Variants in LDLRAD3 observed in about 807,000 individuals in gnomAD.
LDLRAD3 encodes the protein low-density lipoprotein receptor class A domain-containing protein 3.
Under a neutral mutation model 29.4 loss-of-function variants are expected in LDLRAD3, and 20 were observed. The observed-to-expected ratio is 0.68, with a 90% CI of 0.48 to 0.99. The LOEUF is 0.99. Ranked by LOEUF, LDLRAD3 falls within the 50% of genes least tolerant of loss-of-function variation. The pLI, the probability that LDLRAD3 is intolerant of heterozygous loss-of-function variation, is 0.00. For missense variants in LDLRAD3, 420 were observed against 454.3 expected (o/e 0.92, Z 0.69); for synonymous variants, 157 against 192.7 (o/e 0.81, Z 1.53).
chr11:36,169,007 T>C (rs1467628057), intron 4 of LDLRAD3, among the ~76,000 whole-genome samples: 1 of 152,158 alleles, frequency 6.6e-6, no homozygotes. Context: ...AATGACTGTA[T>C]TCCCATTATA....
rs200263894 is a variant in LDLRAD3, at chr11:36,219,474, AATAG to A, written c.455-7606_455-7603del. Among the ~76,000 whole-genome samples the A allele has an allele frequency of 5.3e-3, 803 of 152,346 alleles. 4 individuals carry two copies. The highest frequency in any genetic ancestry group is 0.019 in the African/African-American group (773 of 41,568). On this transcript the variant is annotated intron_variant, in intron 4 of 5. Coordinates refer to ENST00000315571, the MANE Select transcript of LDLRAD3 (RefSeq NM_174902.4). Reference sequence around the variant, plus strand: ...ATAGTTGTATAGCTCAATCATACAAAATAGATAGTCTAAGAATAGACTCAGACTT... The same window carrying A: ...ATAGTTGTATAGCTCAATCATACAAAATAGTCTAAGAATAGACTCAGACTT...
chr11:36,124,520 C>G (rs1490753288), intron 4 of LDLRAD3, among the ~76,000 whole-genome samples: 1 of 152,124 alleles, frequency 6.6e-6, no homozygotes, highest in Non-Finnish European at 1.5e-5. Context: ...CCACGGCTCT[C>G]CCAACTGGGC....
intron 1 of LDLRAD3, among the ~76,000 whole-genome samples, chr11:36,020,078 T>G (rs923576986): frequency 1.8e-4 from 28 of 152,160 alleles, no homozygotes; most frequent in African/African-American, 6.5e-4. Context: ...AAAGTCCTTG[T>G]GCCCCGGAGT....
At chr11:36,169,771 CT>C (rs1387359102) in intron 4 of LDLRAD3, among the ~76,000 whole-genome samples, 1 of 152,188 alleles carries the variant, frequency 6.6e-6, no homozygotes, top group East Asian at 1.9e-4. Flanking sequence ...GTGCAGGCAT[CT>C]TTTCGGTATC....
chr11:36,006,440 G>A (rs1010757316), intron 1 of LDLRAD3, among the ~76,000 whole-genome samples: 2 of 152,198 alleles, frequency 1.3e-5, no homozygotes, highest in Non-Finnish European at 2.9e-5. Flanking sequence ...AAAGCGCTGA[G>A]CTGTGTGCCA....
At chr11:36,094,498 A>G (rs533434150) in intron 3 of LDLRAD3, among the ~76,000 whole-genome samples, 74 of 152,180 alleles carry the variant, frequency 4.9e-4, no homozygotes, top group Non-Finnish European at 8.8e-4. Context: ...AGTATAACAC[A>G]TGGTATCCAT....
chr11:36,077,937 G>A (rs934715693), intron 2 of LDLRAD3, among the ~76,000 whole-genome samples: 3 of 152,172 alleles, frequency 2.0e-5, no homozygotes, highest in Admixed American at 6.5e-5. Flanking sequence ...AATGAGGTAC[G>A]CAGACAAGTG....
At chr11:36,116,497 C>T (rs907195274) in intron 4 of LDLRAD3, among the ~76,000 whole-genome samples, 1 of 151,984 alleles carries the variant, frequency 6.6e-6, no homozygotes, top group African/African-American at 2.4e-5. Flanking sequence ...ATAACTCCCC[C>T]AATTGTGTTC....
intron 4 of LDLRAD3, among the ~76,000 whole-genome samples, chr11:36,150,541 A>AAAAAAGGC (rs1026367217): frequency 1.3e-5 from 2 of 151,702 alleles, no homozygotes; most frequent in African/African-American, 4.8e-5. Flanking sequence ...AAAAAAAAAT[A>AAAAAAGGC]AAAAAGGCAA....
At chr11:36,211,897 G>A (rs1029282581) in intron 4 of LDLRAD3, among the ~76,000 whole-genome samples, 1 of 152,130 alleles carries the variant, frequency 6.6e-6, no homozygotes, top group Non-Finnish European at 1.5e-5. Context: ...TATTCGCTCT[G>A]GCTGCTGACT....
intron 2 of LDLRAD3, among the ~76,000 whole-genome samples, chr11:36,043,209 G>C (rs2133216243): frequency 6.6e-6 from 1 of 152,352 alleles, no homozygotes; most frequent in East Asian, 1.9e-4. Flanking sequence ...CTACTTGGGA[G>C]ACTGAGGCAC....
intron 4 of LDLRAD3, among the ~76,000 whole-genome samples, chr11:36,214,745 C>T (rs767080363): frequency 2.0e-5 from 3 of 152,184 alleles, no homozygotes; most frequent in Non-Finnish European, 4.4e-5. Context: ...TCACTTCTCT[C>T]AGTCTTCTTT....
At chr11:36,040,083 G>T (rs12275800) in intron 2 of LDLRAD3, among the ~76,000 whole-genome samples, 2,834 of 152,276 alleles carry the variant, frequency 0.019, 81 homozygotes, top group African/African-American at 0.065. Context: ...AAGGGGAGGT[G>T]AGTGAAGGTG....
At chr11:36,028,675 T>G (rs1417206235) in intron 1 of LDLRAD3, among the ~76,000 whole-genome samples, 1 of 152,240 alleles carries the variant, frequency 6.6e-6, no homozygotes, top group African/African-American at 2.4e-5. Flanking sequence ...TTCCATTTTT[T>G]TTCTTAGTAG....
chr11:36,191,981 T>C (rs1854960632), intron 4 of LDLRAD3, among the ~76,000 whole-genome samples: 1 of 152,050 alleles, frequency 6.6e-6, no homozygotes, highest in South Asian at 2.1e-4. Flanking sequence ...CAATAGATAA[T>C]TCCTCAAACT....
At chr11:36,139,974 C>T (rs890151440) in intron 4 of LDLRAD3, among the ~76,000 whole-genome samples, 1 of 152,178 alleles carries the variant, frequency 6.6e-6, no homozygotes, top group African/African-American at 2.4e-5. Flanking sequence ...ATAGGTCAGC[C>T]TTACATGCTT....
At chr11:36,054,543 A>G (rs908725721) in intron 2 of LDLRAD3, among the ~76,000 whole-genome samples, 2 of 152,266 alleles carry the variant, frequency 1.3e-5, no homozygotes, top group Non-Finnish European at 2.9e-5. Context: ...GCCCTCTGGC[A>G]TCTTCCCAGA....
chr11:36,067,124 C>A (rs2133240359), intron 2 of LDLRAD3, among the ~76,000 whole-genome samples: 1 of 152,234 alleles, frequency 6.6e-6, no homozygotes, highest in African/African-American at 2.4e-5. Context: ...ATCTTTCATA[C>A]CCAACTAAAA....
chr11:36,077,356 A>G (rs1853030480), intron 2 of LDLRAD3, among the ~76,000 whole-genome samples: 2 of 152,160 alleles, frequency 1.3e-5, no homozygotes, highest in African/African-American at 4.8e-5. Flanking sequence ...TTGGGGTATC[A>G]CTTTGCCAAC....
Sources: allele counts gnomAD v4.1 joint callset (sites outside exome capture counted in the v4.1 genomes callset), GRCh38; gene constraint gnomAD v4.1.1; transcripts MANE v1.5; gene names NCBI Gene and HGNC (gene_info 2026-07-23, HGNC 2026-07-21).